The following KALRN variants were observed in gnomAD, a reference collection of about 807,000 sequenced individuals.
KALRN encodes the protein kalirin.
KALRN carries 70 observed loss-of-function variants against 353.7 expected under a neutral mutation model. The ratio of observed to expected loss-of-function variants is 0.20; its 90% CI spans 0.16 to 0.24. The LOEUF (loss-of-function observed/expected upper bound fraction) is 0.24, where lower values mean the gene tolerates loss of function less well. Among genes scored for constraint, KALRN ranks in the 10% least tolerant of loss-of-function variants. The pLI, the probability that KALRN is intolerant of heterozygous loss-of-function variation, is 1.00. For missense variants in KALRN, 2,791 were observed against 3,756.7 expected, an observed-to-expected ratio of 0.74 and a Z score of 6.72; for synonymous variants, 1,391 against 1,434.8, an observed-to-expected ratio of 0.97 and a Z score of 0.69.
At chr3:124,696,425 G>A (rs769251509) in intron 54 of KALRN, among the ~76,000 whole-genome samples, 170 bp downstream of exon 54, 9 of 151,814 alleles carry the variant, frequency 5.9e-5, no homozygotes, top group South Asian at 2.1e-4. Context: ...ACCATGCCTC[G>A]CTAATTTTTT....
At chr3:124,276,045 G>A (rs947815450) in intron 5 of KALRN, among the ~76,000 whole-genome samples, 1 of 152,192 alleles carries the variant, frequency 6.6e-6, no homozygotes, top group Non-Finnish European at 1.5e-5. Flanking sequence ...CTCTACATCT[G>A]AGACACTTGT....
chr3:124,179,882 C>A (rs959674483), intron 1 of KALRN, among the ~76,000 whole-genome samples: 1 of 152,294 alleles, frequency 6.6e-6, no homozygotes, highest in South Asian at 2.1e-4. Context: ...CACCTAGTTT[C>A]GGACCGAGGC....
At chr3:124,064,406 G>A (rs1254601532) in intron 1 of KALRN, among the ~76,000 whole-genome samples, 2 of 152,160 alleles carry the variant, frequency 1.3e-5, no homozygotes, top group Non-Finnish European at 2.9e-5. Flanking sequence ...GGGGCTTTCA[G>A]GACTTTTAGC....
At chr3:124,191,456 T>C (rs1037872892) in intron 1 of KALRN, among the ~76,000 whole-genome samples, 6 of 152,174 alleles carry the variant, frequency 3.9e-5, no homozygotes, top group Non-Finnish European at 8.8e-5. Flanking sequence ...CACTATCACT[T>C]GAGAGATTCC....
intron 1 of KALRN, among the ~76,000 whole-genome samples, chr3:124,168,671 G>A (rs1001701711): frequency 6.6e-5 from 10 of 152,158 alleles, no homozygotes; most frequent in South Asian, 2.1e-4. Context: ...TCAACTTTCC[G>A]TCTGCTTCCT....
intron 1 of KALRN, among the ~76,000 whole-genome samples, chr3:124,091,504 AAC>A (rs747912822): frequency 1.4e-4 from 21 of 152,098 alleles, no homozygotes; most frequent in Non-Finnish European, 2.2e-4. Flanking sequence ...TCTGATTGGG[AAC>A]ACAGTGTTTT....
chr3:124,231,402 G>T (rs909991433), intron 2 of KALRN, among the ~76,000 whole-genome samples: 2 of 152,010 alleles, frequency 1.3e-5, no homozygotes, highest in Non-Finnish European at 2.9e-5. Flanking sequence ...CCTTCCTTTT[G>T]GCCACCTCCT....
chr3:124,516,401 G>T (rs960215781), intron 33 of KALRN, among the ~76,000 whole-genome samples: 3 of 152,160 alleles, frequency 2.0e-5, no homozygotes, highest in Admixed American at 6.5e-5. Context: ...CACTCCATGA[G>T]GTTGTGGTGC....
intron 13 of KALRN, among the ~76,000 whole-genome samples, chr3:124,409,190 A>C (rs1218832130): frequency 1.3e-5 from 2 of 152,164 alleles, no homozygotes; most frequent in African/African-American, 4.8e-5. Flanking sequence ...TGGGGAACTG[A>C]GGTGGAAGTA....
At position 124,637,377 on chromosome 3, in the gene KALRN, GT is replaced by G. The variant is rs1460421397; in HGVS notation, c.5664+78del. 6 of 1,100,676 alleles carry G rather than the reference GT, an allele frequency of 5.5e-6. No homozygotes were observed. In the African/African-American group the frequency reaches 6.2e-5, roughly 11 times the overall value. 68.2% of individuals were successfully genotyped at this position (1,100,676 alleles called of 1,614,324 possible). ...TGCTCCAGGCTTGCATCTGTCTGCC[GT>G]TTTCTCCTTTGCACCTGTCCTCATT... On this transcript the variant is annotated intron_variant, in intron 37 of 59. Coordinates refer to ENST00000682506, the MANE Select transcript of KALRN (RefSeq NM_001388419.1).
chr3:124,655,133 A>T (rs2083865466), intron 38 of KALRN, among the ~76,000 whole-genome samples: 1 of 152,210 alleles, frequency 6.6e-6, no homozygotes, highest in Admixed American at 6.5e-5. Context: ...GAGGACTTAC[A>T]GGTTGGTAAT....
intron 6 of KALRN, among the ~76,000 whole-genome samples, chr3:124,324,628 T>A (rs2079687252): frequency 6.6e-6 from 1 of 152,224 alleles, no homozygotes; most frequent in Non-Finnish European, 1.5e-5. Context: ...GATGGATTTG[T>A]GTGGAAGTTC....
At chr3:124,429,137 G>T (rs1342876982) in intron 15 of KALRN, among the ~76,000 whole-genome samples, 1 of 152,164 alleles carries the variant, frequency 6.6e-6, no homozygotes, top group Non-Finnish European at 1.5e-5. Context: ...GGGATTTCAC[G>T]CAAACACTCT....
At chr3:124,319,198 C>G (rs2079081855) in intron 6 of KALRN, among the ~76,000 whole-genome samples, 1 of 151,550 alleles carries the variant, frequency 6.6e-6, no homozygotes. Context: ...ATTAAAAATA[C>G]CAAATGCCTA....
chr3:124,191,346 C>T (rs1338777735), intron 1 of KALRN, among the ~76,000 whole-genome samples: 2 of 152,166 alleles, frequency 1.3e-5, no homozygotes, highest in African/African-American at 4.8e-5. Context: ...CTGAAAGTCC[C>T]AACCTTCTAA....
intron 39 of KALRN, among the ~76,000 whole-genome samples, 196 bp from the exon 40 acceptor site, chr3:124,657,252 C>T (rs1049758642): frequency 4.6e-5 from 7 of 152,132 alleles, no homozygotes; most frequent in African/African-American, 7.2e-5. Context: ...GAAGGGGATC[C>T]TGAAACTCAT....
chr3:124,144,917 T>C (rs768804233), intron 1 of KALRN, among the ~76,000 whole-genome samples: 1 of 152,154 alleles, frequency 6.6e-6, no homozygotes, highest in African/African-American at 2.4e-5. Flanking sequence ...AGAGTGTTCT[T>C]ACTCTGTAGA....
At chr3:124,202,208 C>T (rs1053792341) in intron 1 of KALRN, among the ~76,000 whole-genome samples, 5 of 152,132 alleles carry the variant, frequency 3.3e-5, no homozygotes, top group Admixed American at 2.6e-4. Flanking sequence ...GGAAAGTTCC[C>T]TCTTTGTGTA....
At chr3:124,482,942 C>T in intron 28 of KALRN, 42 bp downstream of exon 28, 1 of 1,362,820 alleles carries the variant, frequency 7.3e-7, no homozygotes, top group Non-Finnish European at 1.1e-6. Context: ...CTGCCTACTG[C>T]CTGGGGCAAG....
Sources: allele counts gnomAD v4.1 joint callset (sites outside exome capture counted in the v4.1 genomes callset), GRCh38; gene constraint gnomAD v4.1.1; transcripts MANE v1.5; gene names NCBI Gene and HGNC (gene_info 2026-07-23, HGNC 2026-07-21).